Variants in CRIM1 observed in about 807,000 individuals in gnomAD.
CRIM1 encodes cysteine rich transmembrane BMP regulator 1.
CRIM1 carries 32 observed loss-of-function variants against 116.4 expected under a neutral mutation model. The observed-to-expected ratio is 0.27, with a 90% CI of 0.21 to 0.37. The LOEUF (loss-of-function observed/expected upper bound fraction) is 0.37. CRIM1 is among the 10% of genes least tolerant of loss of function. The probability of loss-of-function intolerance (pLI) is 1.00; values close to 1 mark genes in which losing one functional copy is unlikely to be tolerated. For missense variants in CRIM1, 1,331 were observed against 1,354.8 expected, an observed-to-expected ratio of 0.98 and a Z score of 0.28; for synonymous variants, 590 against 509.2, an observed-to-expected ratio of 1.16 and a Z score of -2.13.
At chr2:36,535,833 T>A (rs1230872072) in intron 13 of CRIM1, among the ~76,000 whole-genome samples, 2 of 152,236 alleles carry the variant, frequency 1.3e-5, no homozygotes, top group Admixed American at 6.5e-5. Context: ...CAAAATATAG[T>A]ATAACAACTA....
chr2:36,425,730 T>A (rs1674397583), intron 2 of CRIM1, among the ~76,000 whole-genome samples: 1 of 152,172 alleles, frequency 6.6e-6, no homozygotes, highest in Non-Finnish European at 1.5e-5. Flanking sequence ...TTCTGATGCA[T>A]TCTTAAGTGG....
rs1045453241 is a variant in CRIM1, at chr2:36,440,329, C to G, written c.506-929C>G. Among the ~76,000 whole-genome samples, 3 of 152,192 alleles carry G rather than the reference C, an allele frequency of 2.0e-5. No individual in the cohort carries two copies. The South Asian group carries it at 6.2e-4, about 32-fold the overall frequency. ...CAATTAACACTTACGGAAACATTGC[C>G]TGGTACTAACTGGCATCAATTTCAC... is the stretch of plus-strand genomic sequence containing the variant. On this transcript the variant is annotated intron_variant, in intron 2 of 16. Transcript: ENST00000280527.
intron 2 of CRIM1, among the ~76,000 whole-genome samples, chr2:36,412,043 G>A (rs1359943265): frequency 3.9e-5 from 6 of 152,110 alleles, no homozygotes; most frequent in Non-Finnish European, 8.8e-5. Context: ...AAATATGAGA[G>A]ATAAAGTCGA....
intron 4 of CRIM1, among the ~76,000 whole-genome samples, chr2:36,444,115 C>T (rs1380319994): frequency 6.6e-6 from 1 of 152,144 alleles, no homozygotes; most frequent in Non-Finnish European, 1.5e-5. Context: ...TATTGGAGAA[C>T]CTAATTAATC....
Position 36,432,808 on chromosome 2 carries a change from G to A in CRIM1, c.506-8450G>A, listed in dbSNP as rs1022407505. The stretch of plus-strand genomic sequence containing the variant: ...GGAACTGTAAAAAAAAATATATACC[G>A]ATACCAGGGTACCACTTCCAGTAAT... On this transcript the variant is annotated intron_variant, in intron 2 of 16. Coordinates refer to ENST00000280527, the MANE Select transcript of CRIM1 (RefSeq NM_016441.3). 7.9e-5 allele frequency among the ~76,000 whole-genome samples: 12 copies of A among 151,886 alleles called. No homozygotes were observed. The South Asian group carries it at 8.3e-4, about 11-fold the overall frequency.
At chr2:36,448,317 A>T (rs1034811355) in intron 4 of CRIM1, among the ~76,000 whole-genome samples, 1 of 152,254 alleles carries the variant, frequency 6.6e-6, no homozygotes. Context: ...AGCCTGGGCT[A>T]TACATCTGAG....
intron 2 of CRIM1, among the ~76,000 whole-genome samples, chr2:36,426,336 G>A (rs1357330769): frequency 6.6e-6 from 1 of 152,104 alleles, no homozygotes; most frequent in East Asian, 1.9e-4. Flanking sequence ...GCCTTTTTGA[G>A]TTACAATCAT....
intron 3 of CRIM1, 118 bp downstream of exon 3, chr2:36,441,618 T>G: frequency 7.7e-7 from 1 of 1,304,276 alleles, no homozygotes; most frequent in East Asian, 2.4e-5. Context: ...ACCGGTGTCC[T>G]GTGAATCTGC....
intron 1 of CRIM1, among the ~76,000 whole-genome samples, chr2:36,390,213 T>G: frequency 6.6e-6 from 1 of 152,248 alleles, no homozygotes; most frequent in Middle Eastern, 3.4e-3. Flanking sequence ...TTCACTCTTA[T>G]AAAGCAAATA....
At chr2:36,522,047 G>A (rs746644861) in intron 12 of CRIM1, 45 bp from the exon 13 acceptor site, 2 of 1,549,856 alleles carry the variant, frequency 1.3e-6, no homozygotes, top group East Asian at 2.2e-5. Flanking sequence ...CATAGTTGCT[G>A]GCCAACAGCA....
At chr2:36,526,146 C>G (rs1335577386) in intron 13 of CRIM1, among the ~76,000 whole-genome samples, 3 of 152,048 alleles carry the variant, frequency 2.0e-5, no homozygotes, top group Non-Finnish European at 4.4e-5. Flanking sequence ...TAGTAATTAC[C>G]CATTCACTTT....
At chr2:36,489,316 C>T (rs1005605418) in intron 7 of CRIM1, among the ~76,000 whole-genome samples, 2 of 152,084 alleles carry the variant, frequency 1.3e-5, no homozygotes, top group African/African-American at 4.8e-5. Context: ...TTCAAGGAGT[C>T]TCTATTTGTT....
At chr2:36,531,479 C>G (rs1326455705) in intron 13 of CRIM1, among the ~76,000 whole-genome samples, 1 of 151,870 alleles carries the variant, frequency 6.6e-6, no homozygotes, top group Non-Finnish European at 1.5e-5. Context: ...GCCACCATCT[C>G]AGTGACTCCT....
At chr2:36,491,566 A>G (rs1012302198) in intron 7 of CRIM1, among the ~76,000 whole-genome samples, 3 of 152,174 alleles carry the variant, frequency 2.0e-5, no homozygotes, top group African/African-American at 7.2e-5. Flanking sequence ...ATAATGTTAC[A>G]CTGACTTTAG....
rs1400226392 is a variant in CRIM1, at chr2:36,396,518, A to G, written c.332-96A>G. 41 of 704,710 alleles carry G rather than the reference A, an allele frequency of 5.8e-5. No individual in the cohort carries two copies. The East Asian group carries it at 1.1e-3, about 19-fold the overall frequency. The allele number at this position is 704,710 out of a possible 1,614,324, so 43.7% of individuals were successfully genotyped here. ...TTCACAAATTGATTTGTCAAAATTG[A>G]ATGTTAATCTTGACATCCCAGTGCG... On this transcript the variant is annotated intron_variant, in intron 1 of 16. Transcript: ENST00000280527.
intron 1 of CRIM1, among the ~76,000 whole-genome samples, chr2:36,358,565 T>C (rs558738652): frequency 6.6e-6 from 1 of 152,354 alleles, no homozygotes; most frequent in South Asian, 2.1e-4. Context: ...TTTGGCAGTT[T>C]CGTGAGCCTT....
chr2:36,386,706 G>A (rs560220810), intron 1 of CRIM1, among the ~76,000 whole-genome samples: 7 of 152,338 alleles, frequency 4.6e-5, no homozygotes, highest in Non-Finnish European at 8.8e-5. Flanking sequence ...AACCCACTTC[G>A]GGTAAAGGAG....
chr2:36,463,545 A>C (rs1277262312), intron 4 of CRIM1, among the ~76,000 whole-genome samples: 1 of 152,004 alleles, frequency 6.6e-6, no homozygotes, highest in Admixed American at 6.6e-5. Flanking sequence ...CCACCCTCTG[A>C]CCCATACATC....
chr2:36,541,178 T>C (rs1666918378), intron 14 of CRIM1, among the ~76,000 whole-genome samples: 1 of 152,110 alleles, frequency 6.6e-6, no homozygotes, highest in African/African-American at 2.4e-5. Context: ...CACCAAAGTT[T>C]CACGCTTCCA....
Sources: gnomAD v4.1 joint callset for allele counts (sites outside exome capture counted in the v4.1 genomes callset) on GRCh38, gnomAD v4.1.1 for gene constraint, MANE v1.5 for transcripts, NCBI Gene and HGNC (gene_info 2026-07-23, HGNC 2026-07-21) for gene names.